The following CADM3 variants were observed in gnomAD, a reference collection of about 807,000 sequenced individuals.
CADM3 encodes the protein cell adhesion molecule 3.
In CADM3, 11 loss-of-function variants were observed where a neutral mutation model predicts 44.9. That is an observed-to-expected ratio of 0.25 (90% confidence interval 0.15 to 0.41). The LOEUF (loss-of-function observed/expected upper bound fraction) is 0.41, where lower values mean the gene tolerates loss of function less well. Ranked by LOEUF, CADM3 falls within the 10% of genes least tolerant of loss-of-function variation. The pLI is 1.00. For synonymous variants in CADM3, 207 were observed against 205.2 expected, an observed-to-expected ratio of 1.01 and a Z score of -0.08; for missense variants, 426 against 512.0, an observed-to-expected ratio of 0.83 and a Z score of 1.62.
chr1:159,199,495 C>T (rs1650059680), intron 7 of CADM3, among the ~76,000 whole-genome samples: 1 of 152,096 alleles, frequency 6.6e-6, no homozygotes, highest in Non-Finnish European at 1.5e-5. Context: ...GGCCAAGCTT[C>T]AGTGCCAAGA....
chr1:159,180,078 C>T lies in CADM3; in HGVS notation c.88+8225C>T, dbSNP rs149409964. 3.1e-3 allele frequency among the ~76,000 whole-genome samples: 470 copies of T among 152,204 alleles called. 1 individual carries two copies. The highest frequency in any genetic ancestry group is 4.3e-3 in the Non-Finnish European group (295 of 68,018). ...CAATGTCAGTGACAGATGGACTGAG[C>T]CTCAACCCTGGAGAGGAGAGGATTC... On this transcript the variant is annotated intron_variant, in intron 1 of 8. Transcript: ENST00000368125.
chr1:159,183,800 GA>G (rs1649324406), intron 1 of CADM3, among the ~76,000 whole-genome samples: 1 of 152,174 alleles, frequency 6.6e-6, no homozygotes. Context: ...TTTAATGGGG[GA>G]CAGACAGAGT....
chr1:159,181,101 C>T (rs1334254129), intron 1 of CADM3, among the ~76,000 whole-genome samples: 1 of 152,104 alleles, frequency 6.6e-6, no homozygotes, highest in South Asian at 2.1e-4. Flanking sequence ...TCTCTATTTT[C>T]CCATACCCTT....
In CADM3 at chr1:159,197,044, C is replaced by T. The variant is rs1235816863; in HGVS notation, c.936C>T (p.Tyr312=). ...TSNMGSYKAY[Y]TLNVNDPSPV... ...ACATGGGCAGCTACAAGGCCTACTA[C>T]ACCCTCAATGTTAATGGTAAGCCCT... The change falls in exon 7 of 9, where the codon TAC becomes TAT. Residue 312 remains tyrosine (Y), a synonymous_variant. Transcript: ENST00000368125. 1 of 1,614,112 alleles carries T rather than the reference C, an allele frequency of 6.2e-7. No individual in the cohort carries two copies. Among genetic ancestry groups the T allele is most frequent in the South Asian group, 1.1e-5 (1 of 91,076 alleles).
intron 1 of CADM3, among the ~76,000 whole-genome samples, chr1:159,172,958 G>A (rs1157702808): frequency 5.3e-5 from 8 of 152,134 alleles, no homozygotes; most frequent in Admixed American, 3.3e-4. Context: ...AGGTCCCTGA[G>A]GAGGGAGGGC....
chr1:159,192,273 G>A lies in CADM3; in HGVS notation c.229+197G>A, dbSNP rs920947290. Among the ~76,000 whole-genome samples the A allele has an allele frequency of 8.5e-5, 13 of 152,192 alleles. 1 individual carries two copies. Among genetic ancestry groups the A allele is most frequent in the African/African-American group, 3.1e-4 (13 of 41,530 alleles). ...ATTTACAGCATGCATAATCTTACAG[G>A]GTTCTGGAGTGACTTCACCCCACAG... On this transcript the variant is annotated intron_variant, in intron 2 of 8. Transcript: ENST00000368125.
chr1:159,199,912 G>A, intron 8 of CADM3, 36 bp downstream of exon 8: 1 of 1,605,470 alleles, frequency 6.2e-7, no homozygotes, highest in Non-Finnish European at 8.5e-7. Flanking sequence ...CAGAACTTGG[G>A]AGGGGCAGGG....
rs980058619 is a variant in CADM3 at position 159,193,215 on chromosome 1, G to T, written c.383-208G>T. ...TATATCATGCCTGTGCTATGGCATT[G>T]CTCCTCACTGCCATGCTGTCTCCCG... On this transcript the variant is annotated intron_variant, in intron 3 of 8. Transcript: ENST00000368125. Among the ~76,000 whole-genome samples, 10 of 152,192 alleles carry T rather than the reference G, an allele frequency of 6.6e-5. No individual in the cohort carries two copies. In the East Asian group the frequency reaches 1.7e-3, roughly 26 times the overall value.
chr1:159,191,754 T>G (rs147261293), intron 1 of CADM3, among the ~76,000 whole-genome samples, 182 bp from the exon 2 acceptor site: 2 of 152,314 alleles, frequency 1.3e-5, no homozygotes, highest in East Asian at 3.9e-4. Flanking sequence ...AACTAAGATC[T>G]GTCTTTCCCT....
At chr1:159,174,793 A>C (rs971970563) in intron 1 of CADM3, among the ~76,000 whole-genome samples, 1 of 152,186 alleles carries the variant, frequency 6.6e-6, no homozygotes, top group Non-Finnish European at 1.5e-5. Context: ...GGAGGACATA[A>C]GTCCTGTGAA....
chr1:159,200,431 G>A (rs1650119001), intron 8 of CADM3, among the ~76,000 whole-genome samples: 1 of 151,998 alleles, frequency 6.6e-6, no homozygotes, highest in African/African-American at 2.4e-5. Context: ...GATCTCAATT[G>A]CTTTGCTCAT....
In CADM3 at chr1:159,171,664, G is replaced by A. The variant is rs1648799821; in HGVS notation, c.-102G>A. ...GCCCCGGGCTCCGAAGCGGCTCGGG[G>A]GCGCCCTTTCGGTCAACATCGTAGT... is the stretch of plus-strand genomic sequence containing the variant. On this transcript the variant is annotated 5_prime_UTR_variant, in exon 1 of 9. Coordinates refer to ENST00000368125, the MANE Select transcript of CADM3 (RefSeq NM_001127173.3). 9.0e-6 allele frequency: 8 copies of A among 884,342 alleles called. No homozygotes were observed. The highest frequency in any genetic ancestry group is 1.0e-5 in the Non-Finnish European group (7 of 671,188). 54.8% of individuals were successfully genotyped at this position (884,342 alleles called of 1,614,324 possible). A position where few individuals can be genotyped will look rare whatever the true frequency, so the allele number is the denominator to read the frequency against.
chr1:159,173,342 A>C (rs1267547988), intron 1 of CADM3, among the ~76,000 whole-genome samples: 1 of 151,572 alleles, frequency 6.6e-6, no homozygotes, highest in East Asian at 1.9e-4. Flanking sequence ...ACCTCGCCTG[A>C]CCTCCCCCAT....
At chr1:159,199,958 A>G (rs1280930987) in intron 8 of CADM3, 82 bp downstream of exon 8, 3 of 1,526,934 alleles carry the variant, frequency 2.0e-6, no homozygotes, top group African/African-American at 2.7e-5. Flanking sequence ...AGAAGCAGAC[A>G]GTGGAAAGGG....
rs1184921791 is a variant in CADM3, at chr1:159,200,792, G to C, written c.1079-12G>C. 1.9e-6 allele frequency: 3 copies of C among 1,580,234 alleles called. No homozygotes were observed. The highest frequency in any genetic ancestry group is 1.7e-6 in the Non-Finnish European group (2 of 1,163,206). On this transcript the variant is annotated splice_polypyrimidine_tract_variant and intron_variant, in intron 8 of 8. Coordinates refer to ENST00000368125, the MANE Select transcript of CADM3 (RefSeq NM_001127173.3). ...GCTGCTCCTGAGAGGAGAAGCCTCTGTCTCTACACAGGAACCTACCTGACA... is the reference window on the plus strand; with the variant it reads ...GCTGCTCCTGAGAGGAGAAGCCTCTCTCTCTACACAGGAACCTACCTGACA...
intron 1 of CADM3, among the ~76,000 whole-genome samples, chr1:159,179,631 A>G (rs766464968): frequency 6.6e-6 from 1 of 152,096 alleles, no homozygotes; most frequent in African/African-American, 2.4e-5. Context: ...CTTGTTTCAT[A>G]TTTTACTTTT....
chr1:159,180,219 C>T (rs1649176072), intron 1 of CADM3, among the ~76,000 whole-genome samples: 1 of 151,996 alleles, frequency 6.6e-6, no homozygotes, highest in Non-Finnish European at 1.5e-5. Context: ...TTAATATGGG[C>T]ATGTGAAAAG....
chr1:159,175,275 C>G (rs1648975227), intron 1 of CADM3, among the ~76,000 whole-genome samples: 1 of 152,322 alleles, frequency 6.6e-6, no homozygotes, highest in East Asian at 1.9e-4. Flanking sequence ...TTTTCTGGCA[C>G]AGAAAAGTTA....
chr1:159,175,116 A>C (rs1648967769), intron 1 of CADM3, among the ~76,000 whole-genome samples: 1 of 152,188 alleles, frequency 6.6e-6, no homozygotes, highest in Non-Finnish European at 1.5e-5. Flanking sequence ...CATTCACTCT[A>C]GTGCTGTCCA....
Sources: gnomAD v4.1 joint callset for allele counts (sites outside exome capture counted in the v4.1 genomes callset) on GRCh38, gnomAD v4.1.1 for gene constraint, MANE v1.5 for transcripts, NCBI Gene and HGNC (gene_info 2026-07-23, HGNC 2026-07-21) for gene names.